The following USP14 variants were observed in gnomAD, a reference collection of about 807,000 sequenced individuals.
The protein encoded by USP14 is ubiquitin carboxyl-terminal hydrolase 14.
In USP14, 38 loss-of-function variants were observed where a neutral mutation model predicts 76.5. The ratio of observed to expected loss-of-function variants is 0.50; its 90% CI spans 0.38 to 0.65. The LOEUF (loss-of-function observed/expected upper bound fraction) is 0.65. Among genes scored for constraint, USP14 ranks in the 30% least tolerant of loss-of-function variants. USP14 has a pLI of 0.00. For missense variants in USP14, 467 were observed against 586.5 expected (o/e 0.80, Z 2.10); for synonymous variants, 192 against 191.7 (o/e 1.00, Z -0.01).
rs1043211815 is a variant in USP14 at position 207,660 on chromosome 18, CTGAG to C, written c.1165-2309_1165-2306del. On this transcript the variant is annotated intron_variant, in intron 13 of 15. Coordinates refer to ENST00000261601, the MANE Select transcript of USP14 (RefSeq NM_005151.4). ...TGCCACTGCACTCCAGTCTGAGTGA[CTGAG>C]TAAGACTGTGTCTCAAAAAATAAAA... Among the ~76,000 whole-genome samples the C allele has an allele frequency of 1.0e-3, 157 of 151,664 alleles. 15 individuals carry two copies. Among genetic ancestry groups the C allele is most frequent in the African/African-American group, 2.7e-3 (114 of 41,462 alleles).
At chr18:166,240 A>G (rs1909267343) in intron 2 of USP14, among the ~76,000 whole-genome samples, 1 of 152,210 alleles carries the variant, frequency 6.6e-6, no homozygotes, top group Admixed American at 6.5e-5. Context: ...TTGATGCTGT[A>G]AATACAGGTT....
In USP14 at chr18:213,569, C is replaced by T. The variant is rs146441567; in HGVS notation, c.*2285C>T. 2.0e-3 allele frequency: 309 copies of T among 152,442 alleles called. 1 individual carries two copies. Among genetic ancestry groups the T allele is most frequent in the African/African-American group, 7.3e-3 (303 of 41,460 alleles). 9.4% of individuals were successfully genotyped at this position (152,442 alleles called of 1,614,324 possible). A position where few individuals can be genotyped will look rare whatever the true frequency, so the allele number is the denominator to read the frequency against. ...AATGTGCCTTATATGCTGTGCCACT[C>T]ACACCGAGGCCATCATCTCAACATT... is the stretch of plus-strand genomic sequence containing the variant. On this transcript the variant is annotated 3_prime_UTR_variant, in exon 16 of 16. Transcript: ENST00000261601.
chr18:204,854 C>A (rs1910485649), intron 13 of USP14, among the ~76,000 whole-genome samples, 162 bp downstream of exon 13: 1 of 151,838 alleles, frequency 6.6e-6, no homozygotes, highest in Non-Finnish European at 1.5e-5. Flanking sequence ...GTATACACAT[C>A]CTCCATATAT....
At chr18:168,351 C>T (rs1182760510) in intron 3 of USP14, among the ~76,000 whole-genome samples, 1 of 152,172 alleles carries the variant, frequency 6.6e-6, no homozygotes, top group Non-Finnish European at 1.5e-5. Flanking sequence ...GTGTTATCTG[C>T]AAATAATGAC....
At chr18:160,803 A>G (rs754167084) in intron 1 of USP14, among the ~76,000 whole-genome samples, 1 of 152,206 alleles carries the variant, frequency 6.6e-6, no homozygotes, top group African/African-American at 2.4e-5. Context: ...TGCCTTCTTC[A>G]AGCCTGATTT....
intron 1 of USP14, 43 bp from the exon 2 acceptor site, chr18:163,265 T>C: frequency 1.3e-6 from 2 of 1,536,722 alleles, no homozygotes; most frequent in Non-Finnish European, 1.8e-6. Context: ...GTAAATCTTG[T>C]CTTGTTATTT....
Position 163,350 on chromosome 18 carries a change from T to C in USP14, c.59T>C (p.Leu20Ser). ...WGKEKFEGVE[L>S]NTDEPPMVFK... ...AAGGAGAAATTTGAAGGTGTAGAATTGAATACAGATGAACCTCCAATGGTA... is the reference window on the plus strand; with the variant it reads ...AAGGAGAAATTTGAAGGTGTAGAATCGAATACAGATGAACCTCCAATGGTA... The change falls in exon 2 of 16, where the codon TTG becomes TCG. Residue 20 changes from leucine to serine, a missense_variant. Coordinates refer to ENST00000261601, the MANE Select transcript of USP14 (RefSeq NM_005151.4). The C allele has an allele frequency of 6.2e-7, 1 of 1,613,922 alleles. No individual in the cohort carries two copies. The highest frequency in any genetic ancestry group is 8.5e-7 in the Non-Finnish European group (1 of 1,179,906).
At chr18:159,165 C>A in intron 1 of USP14, 1 of 165,294 alleles carries the variant, frequency 6.0e-6, no homozygotes, top group Non-Finnish European at 1.3e-5. Context: ...CGCCGCCCTT[C>A]GTCGTCCTTC....
At chr18:170,774 G>A (rs1470770009) in intron 3 of USP14, among the ~76,000 whole-genome samples, 2 of 151,894 alleles carry the variant, frequency 1.3e-5, no homozygotes, top group African/African-American at 4.8e-5. Context: ...ACCGAACACC[G>A]CATGTTGTCA....
chr18:203,644 C>G (rs1910447770), intron 12 of USP14, among the ~76,000 whole-genome samples: 1 of 151,888 alleles, frequency 6.6e-6, no homozygotes, highest in African/African-American at 2.4e-5. Context: ...GAGTCTCGCT[C>G]TGTCACCCAG....
intron 13 of USP14, among the ~76,000 whole-genome samples, chr18:205,817 C>T (rs1359141324): frequency 6.6e-6 from 1 of 152,148 alleles, no homozygotes; most frequent in Non-Finnish European, 1.5e-5. Flanking sequence ...AAAACTCTTC[C>T]ACTTTTTAAT....
chr18:168,586 C>T (rs1040339456), intron 3 of USP14, among the ~76,000 whole-genome samples: 1 of 151,762 alleles, frequency 6.6e-6, no homozygotes, highest in African/African-American at 2.4e-5. Context: ...AAACGCCTAC[C>T]ACCATGCCTG....
At chr18:159,493 A>G (rs1909056666) in intron 1 of USP14, among the ~76,000 whole-genome samples, 1 of 151,060 alleles carries the variant, frequency 6.6e-6, no homozygotes, top group South Asian at 2.1e-4. Context: ...CACCTAAAAT[A>G]TGTGTGGTGT....
At chr18:192,748 G>A in intron 5 of USP14, 94 bp from the exon 6 acceptor site, 1 of 1,131,816 alleles carries the variant, frequency 8.8e-7, no homozygotes, top group Non-Finnish European at 1.3e-6. Context: ...TTGCAGTTGA[G>A]GGTGTCATAA....
intron 8 of USP14, 42 bp downstream of exon 8, chr18:197,738 T>A: frequency 6.7e-7 from 1 of 1,482,472 alleles, no homozygotes; most frequent in South Asian, 1.2e-5. Flanking sequence ...TCGTTATACC[T>A]TGATTTTTTT....
rs1177676771 is a variant in USP14 at position 213,112 on chromosome 18, A to G, written c.*1828A>G. On this transcript the variant is annotated 3_prime_UTR_variant, in exon 16 of 16. Transcript: ENST00000261601. Reference sequence around the variant, plus strand: ...GGCAGGATGAGACCATGAAAATTATAATGATTCATGTATATTTGTATGATG... The same window carrying G: ...GGCAGGATGAGACCATGAAAATTATGATGATTCATGTATATTTGTATGATG... The G allele has an allele frequency of 6.8e-6, 1 of 147,954 alleles. No individual in the cohort carries two copies. Among genetic ancestry groups the G allele is most frequent in the Non-Finnish European group, 1.5e-5 (1 of 65,200 alleles). 9.2% of individuals were successfully genotyped at this position (147,954 alleles called of 1,614,324 possible).
At chr18:166,849 A>C in intron 3 of USP14, 30 bp downstream of exon 3, 2 of 1,597,836 alleles carry the variant, frequency 1.3e-6, no homozygotes, top group Non-Finnish European at 8.6e-7. Flanking sequence ...CGTTTATTAT[A>C]ATGCAGTAAC....
chr18:204,463 A>G (rs1420077269), intron 12 of USP14, 101 bp from the exon 13 acceptor site: 5 of 1,059,380 alleles, frequency 4.7e-6, no homozygotes, highest in Non-Finnish European at 6.4e-6. Context: ...TTTATTTTCA[A>G]CTGTATCTGA....
intron 10 of USP14, among the ~76,000 whole-genome samples, chr18:202,051 A>G (rs1216657966): frequency 2.0e-5 from 3 of 152,230 alleles, no homozygotes; most frequent in Non-Finnish European, 4.4e-5. Flanking sequence ...AAAATTATAC[A>G]AGTGTAACAT....
Sources: gnomAD v4.1 joint callset for allele counts (sites outside exome capture counted in the v4.1 genomes callset) on GRCh38, gnomAD v4.1.1 for gene constraint, MANE v1.5 for transcripts, NCBI Gene and HGNC (gene_info 2026-07-23, HGNC 2026-07-21) for gene names.